The following MYRIP variants were observed in gnomAD, a reference collection of about 807,000 sequenced individuals.
The protein encoded by MYRIP is rab effector MyRIP.
A neutral mutation model predicts 98.0 loss-of-function variants in MYRIP; 49 were observed. The observed-to-expected ratio is 0.50, with a 90% CI of 0.40 to 0.63. The LOEUF is 0.63. Ranked by LOEUF, MYRIP falls within the 30% of genes least tolerant of loss-of-function variation. MYRIP has a pLI of 0.00. For missense variants in MYRIP, 1,004 were observed against 1,058.2 expected (o/e 0.95, Z 0.71); for synonymous variants, 404 against 409.5 (o/e 0.99, Z 0.16).
chr3:39,984,089 G>C (rs1945964230), intron 2 of MYRIP, among the ~76,000 whole-genome samples: 2 of 152,148 alleles, frequency 1.3e-5, no homozygotes, highest in South Asian at 4.1e-4. Flanking sequence ...CCCAATCTGG[G>C]GACTGGGTTT....
intron 2 of MYRIP, among the ~76,000 whole-genome samples, chr3:39,941,397 C>A (rs983088992): frequency 1.3e-5 from 2 of 152,088 alleles, no homozygotes; most frequent in African/African-American, 2.4e-5. Context: ...CTGGGCCCCA[C>A]CTCCAACATT....
chr3:40,011,901 A>G (rs953662709), intron 2 of MYRIP, among the ~76,000 whole-genome samples: 8 of 152,224 alleles, frequency 5.3e-5, no homozygotes, highest in Admixed American at 2.0e-4. Context: ...AAAAAATCTC[A>G]GGCTGATTTC....
intron 1 of MYRIP, among the ~76,000 whole-genome samples, chr3:39,859,851 G>C (rs1942414714): frequency 6.6e-6 from 1 of 152,064 alleles, no homozygotes; most frequent in Admixed American, 6.5e-5. Context: ...GTTTATAGAA[G>C]AAAATGTACC....
At chr3:40,027,530 A>T (rs879625810) in intron 2 of MYRIP, among the ~76,000 whole-genome samples, 1 of 152,076 alleles carries the variant, frequency 6.6e-6, no homozygotes, top group Non-Finnish European at 1.5e-5. Flanking sequence ...TTTAACTGAA[A>T]TGCCACTTCC....
chr3:40,238,708 T>C (rs1047495606), intron 12 of MYRIP: 2 of 152,112 alleles, frequency 1.3e-5, no homozygotes, highest in Admixed American at 6.5e-5. Flanking sequence ...TTGGCTTTAC[T>C]GTGGCATCTC....
chr3:40,219,115 A>C (rs913942815), intron 11 of MYRIP, among the ~76,000 whole-genome samples: 1 of 152,222 alleles, frequency 6.6e-6, no homozygotes, highest in Admixed American at 6.5e-5. Context: ...ATGCTGGTTA[A>C]TCATTTGAGA....
At chr3:40,155,533 T>C (rs1212417907) in intron 4 of MYRIP, among the ~76,000 whole-genome samples, 1 of 152,024 alleles carries the variant, frequency 6.6e-6, no homozygotes, top group Non-Finnish European at 1.5e-5. Flanking sequence ...GGTCAAATGG[T>C]ATTTCTAGTT....
At chr3:39,927,031 G>A (rs529417868) in intron 2 of MYRIP, among the ~76,000 whole-genome samples, 11 of 151,764 alleles carry the variant, frequency 7.2e-5, no homozygotes, top group African/African-American at 2.7e-4. Context: ...TTCTCCTTGA[G>A]AGATCTTTCA....
chr3:40,106,514 G>A (rs568105304), intron 3 of MYRIP, among the ~76,000 whole-genome samples: 1 of 152,064 alleles, frequency 6.6e-6, no homozygotes, highest in Non-Finnish European at 1.5e-5. Context: ...TGCTTATTTG[G>A]GGGAAAAAGT....
intron 1 of MYRIP, among the ~76,000 whole-genome samples, chr3:39,891,037 G>T (rs1943473908): frequency 6.6e-6 from 1 of 151,932 alleles, no homozygotes; most frequent in Admixed American, 6.6e-5. Context: ...CGTATATTTG[G>T]TCTCTGTCAT....
At chr3:40,091,100 T>C (rs1197147115) in intron 3 of MYRIP, among the ~76,000 whole-genome samples, 1 of 152,248 alleles carries the variant, frequency 6.6e-6, no homozygotes, top group Non-Finnish European at 1.5e-5. Context: ...AGGCCCCTTC[T>C]GTGTTCACCA....
chr3:39,831,660 A>C (rs1941449816), intron 1 of MYRIP, among the ~76,000 whole-genome samples: 2 of 152,214 alleles, frequency 1.3e-5, no homozygotes, highest in South Asian at 4.1e-4. Flanking sequence ...ATTTCATAAA[A>C]TACACAGTTG....
At chr3:39,957,104 A>G (rs2125726312) in intron 2 of MYRIP, among the ~76,000 whole-genome samples, 1 of 151,952 alleles carries the variant, frequency 6.6e-6, no homozygotes, top group East Asian at 1.9e-4. Context: ...AGAGGTACAA[A>G]GAGAAGCTGG....
At chr3:40,011,766 C>A (rs550344257) in intron 2 of MYRIP, among the ~76,000 whole-genome samples, 20 of 152,228 alleles carry the variant, frequency 1.3e-4, no homozygotes, top group Non-Finnish European at 1.2e-4. Flanking sequence ...ATCTCTACTT[C>A]AACTTTGGAA....
intron 3 of MYRIP, among the ~76,000 whole-genome samples, chr3:40,092,333 C>G (rs1012204533): frequency 1.3e-5 from 2 of 152,174 alleles, no homozygotes; most frequent in Non-Finnish European, 2.9e-5. Context: ...TCCCTTTTCC[C>G]TGATGACAGC....
At chr3:39,914,613 A>G (rs1039397798) in intron 2 of MYRIP, among the ~76,000 whole-genome samples, 1 of 152,146 alleles carries the variant, frequency 6.6e-6, no homozygotes, top group African/African-American at 2.4e-5. Flanking sequence ...TAAATTTGAC[A>G]TGAAACTTTT....
At chr3:39,844,243 C>G (rs1375341422) in intron 1 of MYRIP, among the ~76,000 whole-genome samples, 1 of 152,198 alleles carries the variant, frequency 6.6e-6, no homozygotes, top group Non-Finnish European at 1.5e-5. Flanking sequence ...CTAGGCATCT[C>G]TCAGTCCAGA....
intron 8 of MYRIP, among the ~76,000 whole-genome samples, chr3:40,179,269 C>G (rs1413319095): frequency 6.6e-6 from 1 of 152,160 alleles, no homozygotes; most frequent in Non-Finnish European, 1.5e-5. Context: ...CTGTTGGAGA[C>G]AGCTCTGCTG....
At chr3:39,823,627 A>G (rs1277183904) in intron 1 of MYRIP, among the ~76,000 whole-genome samples, 1 of 152,140 alleles carries the variant, frequency 6.6e-6, no homozygotes, top group Non-Finnish European at 1.5e-5. Flanking sequence ...TTATAAATAT[A>G]TTTGTGGAAC....
Sources: allele counts gnomAD v4.1 joint callset (sites outside exome capture counted in the v4.1 genomes callset), GRCh38; gene constraint gnomAD v4.1.1; transcripts MANE v1.5; gene names NCBI Gene and HGNC (gene_info 2026-07-23, HGNC 2026-07-21).